The following DQX1 variants were observed in gnomAD, a reference collection of about 807,000 sequenced individuals.
DQX1 encodes ATP-dependent RNA helicase homolog DQX1.
Under a neutral mutation model 81.3 loss-of-function variants are expected in DQX1, and 66 were observed. The observed-to-expected ratio is 0.81, with a 90% CI of 0.67 to 1.00. The LOEUF (loss-of-function observed/expected upper bound fraction) is 1.00, where lower values mean the gene tolerates loss of function less well. Among genes scored for constraint, DQX1 ranks in the 50% least tolerant of loss-of-function variants. The pLI, the probability that DQX1 is intolerant of heterozygous loss-of-function variation, is 0.00. For missense variants in DQX1, 798 were observed against 867.9 expected (o/e 0.92, Z 1.01); for synonymous variants, 290 against 350.0 (o/e 0.83, Z 1.91).
intron 3 of DQX1, 118 bp from the exon 4 acceptor site, chr2:74,524,425 T>G: frequency 7.3e-7 from 1 of 1,377,842 alleles, no homozygotes; most frequent in Non-Finnish European, 9.7e-7. Flanking sequence ...AAAAATATGC[T>G]GTGACTTCCT....
At chr2:74,518,783 TC>T (rs1170207580) in intron 11 of DQX1, among the ~76,000 whole-genome samples, 181 bp from the exon 12 acceptor site, 12 of 152,078 alleles carry the variant, frequency 7.9e-5, no homozygotes, top group African/African-American at 2.2e-4. Context: ...CACCTCAATC[TC>T]CCAAGTAGCT....
Position 74,523,209 on chromosome 2 carries a change from G to A in DQX1, c.1054C>T (p.Pro352Ser), listed in dbSNP as rs749233518. 1.2e-6 allele frequency: 2 copies of A among 1,614,168 alleles called. No individual in the cohort carries two copies. The highest frequency in any genetic ancestry group is 1.7e-5 in the Admixed American group (1 of 60,020). ...ACTTGGAATTCTGCTCGGATCCTAG[G>A]ATTGTAAACCTGTTGCCCGTCCCCC... Reference protein sequence around the residue: ...SGLELRSVYNPRIRAEFQVLR... With the variant: ...SGLELRSVYNSRIRAEFQVLR... Residue 352 changes from proline to serine, a missense_variant, in exon 6 of 12, where the codon CCT (proline) becomes TCT (serine). Transcript: ENST00000404568.
rs559559036 is a variant in DQX1, at chr2:74,519,309, G to A, written c.1807-79C>T. 2.1e-5 allele frequency: 31 copies of A among 1,453,484 alleles called. No homozygotes were observed. The South Asian group carries it at 4.2e-4, about 19-fold the overall frequency. 90.0% of individuals were successfully genotyped at this position (1,453,484 alleles called of 1,614,324 possible). A position where few individuals can be genotyped will look rare whatever the true frequency, so the allele number is the denominator to read the frequency against. ...GTAGAAAAAAATAAAAGGGGATTGA[G>A]AAAGAGTAAGGGTGATGAGAGCATG... On this transcript the variant is annotated intron_variant, in intron 10 of 11. Transcript: ENST00000404568.
In DQX1 at chr2:74,523,654, C is replaced by T. The variant is rs533094538; in HGVS notation, c.817-117G>A. The T allele has an allele frequency of 9.5e-6, 10 of 1,054,334 alleles. No individual in the cohort carries two copies. The African/African-American group carries it at 1.6e-4, about 17-fold the overall frequency. 65.3% of individuals were successfully genotyped at this position (1,054,334 alleles called of 1,614,324 possible). On this transcript the variant is annotated intron_variant, in intron 4 of 11. Transcript: ENST00000404568. Reference sequence around the variant, plus strand: ...TCACTCTGAGAAAATGCAAATTACTCATAAAGTTGAAGGTTTTATAATTTC... The same window carrying T: ...TCACTCTGAGAAAATGCAAATTACTTATAAAGTTGAAGGTTTTATAATTTC...
Position 74,525,502 on chromosome 2 carries a change from C to G in DQX1, c.228G>C (p.Lys76Asn). The G allele has an allele frequency of 3.2e-6, 5 of 1,552,252 alleles. No individual in the cohort carries two copies. The highest frequency in any genetic ancestry group is 3.5e-6 in the Non-Finnish European group (4 of 1,147,184). ...VLVSGEPGSG[K>N]STQIPQWCAE... ...ACAACCCCCACCACACCTGGGTGCT[C>G]TTGCCAGAACCAGGCTCCCCAGACA... Residue 76 changes from lysine to asparagine, a missense_variant, in exon 2 of 12, where the codon AAG (lysine) becomes AAC (asparagine). Lys to Asn is a moderately conservative substitution (Grantham distance 94). Coordinates refer to ENST00000404568, the MANE Select transcript of DQX1 (RefSeq NM_133637.3). This position sits in a 1 kb window ranked among gnomAD's most constrained non-coding sequence, Gnocchi z 4.1.
At position 74,519,613 on chromosome 2, in the gene DQX1, G is replaced by A. The variant is rs769414746; in HGVS notation, c.1749C>T (p.Gly583=). The A allele has an allele frequency of 6.2e-7, 1 of 1,614,240 alleles. No homozygotes were observed. Among genetic ancestry groups the A allele is most frequent in the Non-Finnish European group, 8.5e-7 (1 of 1,180,038 alleles). ...IELPLSLPAF[G]SEQNRRDLQK... ...GAAGGTCTCTGCGATTCTGCTCAGA[G>A]CCAAAGGCTGGTAGGGACAAGGGAA... The change falls in exon 10 of 12, where the codon GGC becomes GGT. Residue 583 remains glycine, a synonymous_variant. Coordinates refer to ENST00000404568, the MANE Select transcript of DQX1 (RefSeq NM_133637.3).
rs892281613 is a variant in DQX1 at position 74,523,172 on chromosome 2, A to G, written c.1091T>C (p.Ile364Thr). The change falls in exon 6 of 12, where the codon ATC (isoleucine) becomes ACC (threonine). Residue 364 changes from isoleucine to threonine, a missense_variant. Physicochemically the swap from Ile to Thr is moderately conservative, Grantham distance 89. Coordinates refer to ENST00000404568, the MANE Select transcript of DQX1 (RefSeq NM_133637.3). ...TCTTGCCTCTGCCTGACACTTGCTG[A>G]TTGGCCTCAACACTTGGAATTCTGC... ...IRAEFQVLRP[I>T]SKCQAEARRL... The G allele has an allele frequency of 6.2e-7, 1 of 1,613,982 alleles. No individual in the cohort carries two copies. Among genetic ancestry groups the G allele is most frequent in the Non-Finnish European group, 8.5e-7 (1 of 1,180,018 alleles).
intron 11 of DQX1, 71 bp downstream of exon 11, chr2:74,518,969 T>C: frequency 7.1e-7 from 1 of 1,414,066 alleles, no homozygotes; most frequent in Non-Finnish European, 9.5e-7. Flanking sequence ...TCTGTCTCTC[T>C]AACTCCCCAG....
At position 74,519,107 on chromosome 2, in the gene DQX1, G is replaced by C; in HGVS notation, c.1930C>G (p.Leu644Val). The C allele has an allele frequency of 6.2e-7, 1 of 1,610,496 alleles. No homozygotes were observed. Among genetic ancestry groups the C allele is most frequent in the Non-Finnish European group, 8.5e-7 (1 of 1,178,842 alleles). ...RAPARPPPWV[L>V]YHNFTISKDN... ...TTGGATATGGTGAAATTGTGGTAGAGCACCCATGGTGGGGGTCTGGCAGGA... is the reference window on the plus strand; with the variant it reads ...TTGGATATGGTGAAATTGTGGTAGACCACCCATGGTGGGGGTCTGGCAGGA... The change falls in exon 11 of 12, where the codon CTC (leucine) becomes GTC (valine). Residue 644 changes from leucine (L) to valine (V), a missense_variant. Coordinates refer to ENST00000404568, the MANE Select transcript of DQX1 (RefSeq NM_133637.3).
intron 8 of DQX1, among the ~76,000 whole-genome samples, chr2:74,521,650 A>G (rs1294567407): frequency 7.0e-6 from 1 of 141,910 alleles, no homozygotes; most frequent in African/African-American, 2.6e-5. Context: ...ACTTTGTCTG[A>G]AAAAAAAAAA....
intron 3 of DQX1, among the ~76,000 whole-genome samples, chr2:74,524,702 C>T (rs1675126282): frequency 6.6e-6 from 1 of 151,886 alleles, no homozygotes; most frequent in South Asian, 2.1e-4. Flanking sequence ...AGTTTGAGAC[C>T]AGCCTGGGCA....
rs531750540 is a variant in DQX1 at position 74,521,697 on chromosome 2, G to A, written c.1495+883C>T. 5.5e-4 allele frequency among the ~76,000 whole-genome samples: 82 copies of A among 149,796 alleles called. 1 individual carries two copies. Among genetic ancestry groups the A allele is most frequent in the East Asian group, 1.6e-3 (8 of 5,094 alleles). On this transcript the variant is annotated intron_variant, in intron 8 of 11. Transcript: ENST00000404568. ...AAAAAAGAAACGTTCATCAGGAGTT[G>A]GAGTATGCTCTCTCTCTCTCCCTCT...
rs1310385995 is a variant in DQX1 at position 74,523,131 on chromosome 2, C to T, written c.1132G>A (p.Gly378Arg). Reference protein sequence around the residue: ...QAEARRLRARGFPPGSCLCLY... With the variant: ...QAEARRLRARRFPPGSCLCLY... ...CAAAGGCTCTTACCTGGTGGGAACC[C>T]TCTTGCTCGCAATCGTCTTGCCTCT... Residue 378 changes from glycine (G) to arginine (R), a missense_variant, in exon 6 of 12, where the codon GGG becomes AGG. By Grantham distance (125) the Gly-to-Arg change is moderately radical (BLOSUM62 -2). Coordinates refer to ENST00000404568, the MANE Select transcript of DQX1 (RefSeq NM_133637.3). 1.9e-6 allele frequency: 3 copies of T among 1,614,046 alleles called. No individual in the cohort carries two copies. The highest frequency in any genetic ancestry group is 1.3e-5 in the African/African-American group (1 of 74,902).
rs368436046 is a variant in DQX1 at position 74,523,219 on chromosome 2, C to T, written c.1045-1G>A. 12 of 1,614,078 alleles carry T rather than the reference C, an allele frequency of 7.4e-6. No individual in the cohort carries two copies. The African/African-American group carries it at 1.3e-4, about 18-fold the overall frequency. ...CTGCTCGGATCCTAGGATTGTAAAC[C>T]TGTTGCCCGTCCCCCAACCAAGGCC... On this transcript the variant is annotated splice_acceptor_variant, in intron 5 of 11. Coordinates refer to ENST00000404568, the MANE Select transcript of DQX1 (RefSeq NM_133637.3). LOFTEE classifies it high-confidence loss of function.
Position 74,522,587 on chromosome 2 carries a change from C to G in DQX1, c.1488G>C (p.Met496Ile), listed in dbSNP as rs1039757327. 1 of 1,612,954 alleles carries G rather than the reference C, an allele frequency of 6.2e-7. No individual in the cohort carries two copies. The highest frequency in any genetic ancestry group is 1.3e-5 in the African/African-American group (1 of 75,020). The change falls in exon 8 of 12, where the codon ATG becomes ATC. Residue 496 changes from methionine (M) to isoleucine (I), a missense_variant. Transcript: ENST00000404568. ...CVDEMLTLAA[M>I]LTAAPGFTRP... ...TACAGCAGCGATTTATACCTGTGAGCATGGCAGCCAGGGTGAGCATCTCGT... is the reference window on the plus strand; with the variant it reads ...TACAGCAGCGATTTATACCTGTGAGGATGGCAGCCAGGGTGAGCATCTCGT...
Position 74,518,486 on chromosome 2 carries a change from G to A in DQX1, c.2114C>T (p.Ser705Phe). 6.2e-7 allele frequency: 1 copy of A among 1,614,238 alleles called. No homozygotes were observed. The highest frequency in any genetic ancestry group is 8.5e-7 in the Non-Finnish European group (1 of 1,180,042). Reference sequence around the variant, plus strand: ...GGGATCTCTGAACTCCTGGGCTGAGGATGATTTGCTCCCTGCTGTAGAATC... The same window carrying A: ...GGGATCTCTGAACTCCTGGGCTGAGAATGATTTGCTCCCTGCTGTAGAATC... ...MADSTAGSKS[S>F]SAQEFRDPCV... The change falls in exon 12 of 12, where the codon TCC becomes TTC. Residue 705 changes from serine to phenylalanine, a missense_variant. Ser to Phe is a radical substitution (Grantham distance 155, BLOSUM62 -2). Coordinates refer to ENST00000404568, the MANE Select transcript of DQX1 (RefSeq NM_133637.3).
Position 74,518,936 on chromosome 2 carries a change from T to TA in DQX1, c.1997+103dup. Reference sequence around the variant, plus strand: ...ATCCTGTCTCCTCAGATCATGTTTTTACTAACCACTAAGATCCCTTCCTCT... The same window carrying TA: ...ATCCTGTCTCCTCAGATCATGTTTTTAACTAACCACTAAGATCCCTTCCTCT... On this transcript the variant is annotated intron_variant, in intron 11 of 11. Transcript: ENST00000404568. 3 of 1,209,770 alleles carry TA rather than the reference T, an allele frequency of 2.5e-6. No individual in the cohort carries two copies. In the South Asian group the frequency reaches 5.0e-5, roughly 20 times the overall value. 74.9% of individuals were successfully genotyped at this position (1,209,770 alleles called of 1,614,324 possible).
chr2:74,521,483 C>T (rs1337726982), intron 8 of DQX1, among the ~76,000 whole-genome samples: 1 of 152,028 alleles, frequency 6.6e-6, no homozygotes, highest in Non-Finnish European at 1.5e-5. Flanking sequence ...AAACCCGTCT[C>T]TACTAAAAAT....
Position 74,525,882 on chromosome 2 carries a change from G to GA in DQX1, c.-19-135dup, listed in dbSNP as rs1367793552. 1.5e-6 allele frequency: 1 copy of GA among 648,542 alleles called. No individual in the cohort carries two copies. Among genetic ancestry groups the GA allele is most frequent in the Non-Finnish European group, 2.6e-6 (1 of 379,812 alleles). The allele number at this position is 648,542 out of a possible 1,614,324, so 40.2% of individuals were successfully genotyped here. ...CACCCTTCCCAGCATTTCCTGCCAG[G>GA]AAACAGTGCTAGGTATTTTGATAAA... On this transcript the variant is annotated intron_variant, in intron 1 of 11. Transcript: ENST00000404568. The surrounding 1 kb of genome is among the most constrained non-coding windows in gnomAD (Gnocchi z 4.1).
Sources: allele counts gnomAD v4.1 joint callset (sites outside exome capture counted in the v4.1 genomes callset), GRCh38; gene constraint gnomAD v4.1.1; non-coding constraint Gnocchi (gnomAD v3.1); transcripts MANE v1.5; gene names NCBI Gene and HGNC (gene_info 2026-07-23, HGNC 2026-07-21).